FBXO42: variants seen among roughly 807,000 people sequenced by gnomAD.
FBXO42 encodes the protein F-box only protein 42.
A neutral mutation model predicts 71.7 loss-of-function variants in FBXO42; 12 were observed. The ratio of observed to expected loss-of-function variants is 0.17; its 90% confidence interval spans 0.11 to 0.27. The LOEUF is 0.27. Ranked by LOEUF, FBXO42 falls within the 10% of genes least tolerant of loss-of-function variation. FBXO42 has a pLI of 1.00. For synonymous variants in FBXO42, 325 were observed against 327.5 expected, an observed-to-expected ratio of 0.99 and a Z score of 0.08; for missense variants, 707 against 911.9, an observed-to-expected ratio of 0.78 and a Z score of 2.89.
intron 5 of FBXO42, 99 bp downstream of exon 5, chr1:16,256,507 C>T (rs1236558400): frequency 1.6e-6 from 2 of 1,270,894 alleles, no homozygotes; most frequent in Non-Finnish European, 2.2e-6. Flanking sequence ...CACAGCTTTC[C>T]ATCTAATTCT....
intron 4 of FBXO42, among the ~76,000 whole-genome samples, chr1:16,284,882 C>A (rs963015407): frequency 2.0e-5 from 3 of 151,574 alleles, no homozygotes; most frequent in African/African-American, 7.3e-5. Flanking sequence ...GCGGGAGAAT[C>A]GCTTGAACCC....
chr1:16,339,610 C>A (rs959330315), intron 1 of FBXO42, among the ~76,000 whole-genome samples: 1 of 152,186 alleles, frequency 6.6e-6, no homozygotes, highest in Non-Finnish European at 1.5e-5. Flanking sequence ...CACACCCAGC[C>A]ATAGTTATGT....
chr1:16,347,737 C>G (rs1370777686), intron 1 of FBXO42, among the ~76,000 whole-genome samples: 1 of 152,082 alleles, frequency 6.6e-6, no homozygotes, highest in Non-Finnish European at 1.5e-5. Flanking sequence ...CGCCTGTAAT[C>G]CCCACACTTT....
chr1:16,282,813 T>G (rs1484367016), intron 4 of FBXO42, among the ~76,000 whole-genome samples: 1 of 151,906 alleles, frequency 6.6e-6, no homozygotes, highest in Non-Finnish European at 1.5e-5. Context: ...AAACCCCGTC[T>G]CTACTAAAAA....
At chr1:16,265,514 T>C (rs186148041) in intron 4 of FBXO42, among the ~76,000 whole-genome samples, 4 of 152,312 alleles carry the variant, frequency 2.6e-5, no homozygotes, top group Admixed American at 2.0e-4. Flanking sequence ...ACAAATTTTA[T>C]ATTTATTATC....
At chr1:16,261,584 C>A (rs2100449186) in intron 4 of FBXO42, among the ~76,000 whole-genome samples, 1 of 152,230 alleles carries the variant, frequency 6.6e-6, no homozygotes, top group East Asian at 1.9e-4. Flanking sequence ...ACCCCCACCT[C>A]AATTTGTGGG....
At chr1:16,277,681 G>A (rs941692565) in intron 4 of FBXO42, among the ~76,000 whole-genome samples, 3 of 145,074 alleles carry the variant, frequency 2.1e-5, no homozygotes, top group Admixed American at 7.1e-5. Context: ...GCCGAAATTC[G>A]CCACTGCACT....
intron 4 of FBXO42, among the ~76,000 whole-genome samples, chr1:16,261,184 A>T (rs1055406933): frequency 6.6e-6 from 1 of 152,186 alleles, no homozygotes; most frequent in African/African-American, 2.4e-5. Context: ...GAGAGAAGTA[A>T]ATTAAACAGA....
In FBXO42 at chr1:16,251,262, C is replaced by T. The variant is rs1406028809; in HGVS notation, c.1562G>A (p.Arg521Lys). The part of the protein sequence containing the change: ...SSNPMDGMDN[R>K]TVGGSMRHPP... ...GTGTCTCATACTTCCCCCAACTGTC[C>T]TATTGTCCATGCCATCCATGGGATT... is the stretch of plus-strand genomic sequence containing the variant. The change falls in exon 10 of 10, where the codon AGG becomes AAG. Residue 521 changes from arginine (R) to lysine (K), a missense_variant. By Grantham distance (26) the Arg-to-Lys change is conservative (BLOSUM62 2). This residue lies in a region of FBXO42 where 482 missense variants were observed against 587.1 expected (regional missense o/e 0.82). Transcript: ENST00000375592. This position sits in a 1 kb window ranked among gnomAD's most constrained non-coding sequence, Gnocchi z 4.5. 9.3e-6 allele frequency: 15 copies of T among 1,614,100 alleles called. No homozygotes were observed. The highest frequency in any genetic ancestry group is 1.3e-5 in the Non-Finnish European group (15 of 1,180,042).
At chr1:16,280,419 T>C (rs2081950811) in intron 4 of FBXO42, among the ~76,000 whole-genome samples, 1 of 152,164 alleles carries the variant, frequency 6.6e-6, no homozygotes, top group Non-Finnish European at 1.5e-5. Flanking sequence ...AAGGATGTTA[T>C]GTTAAAGAAA....
At position 16,252,377 on chromosome 1, in the gene FBXO42, T is replaced by C. The variant is rs773667927; in HGVS notation, c.949A>G (p.Met317Val). 15 of 1,614,036 alleles carry C rather than the reference T, an allele frequency of 9.3e-6. No homozygotes were observed. In the East Asian group the frequency reaches 1.3e-4, roughly 14 times the overall value. Residue 317 changes from methionine to valine, a missense_variant, in exon 9 of 10, where the codon ATG (methionine) becomes GTG (valine). Physicochemically the swap from Met to Val is conservative, Grantham distance 21 (BLOSUM62 1). Coordinates refer to ENST00000375592, the MANE Select transcript of FBXO42 (RefSeq NM_018994.3). The surrounding 1 kb of genome is among the most constrained non-coding windows in gnomAD (Gnocchi z 4.4). ...TGCCAGGCCCAAGGACCAGAATGCA[T>C]GTGCAACAACCAAGCATCCTTGAAT... ...ALFKDAWLLH[M>V]HSGPWAWQPL...
chr1:16,273,715 A>G (rs1295373502), intron 4 of FBXO42, among the ~76,000 whole-genome samples: 1 of 152,088 alleles, frequency 6.6e-6, no homozygotes, highest in African/African-American at 2.4e-5. Flanking sequence ...CCCTGTCTCA[A>G]CAAAAATACA....
chr1:16,259,338 CAGTT>C (rs1258115977), intron 4 of FBXO42, among the ~76,000 whole-genome samples: 4 of 152,198 alleles, frequency 2.6e-5, no homozygotes, highest in Admixed American at 6.5e-5. Flanking sequence ...TACTATGAAA[CAGTT>C]AGAAAAAAGA....
intron 4 of FBXO42, among the ~76,000 whole-genome samples, chr1:16,270,749 G>GAT (rs1553150245): frequency 4.2e-5 from 4 of 94,586 alleles, no homozygotes; most frequent in East Asian, 6.6e-4. Flanking sequence ...CTTACCATGA[G>GAT]ATACACACAC....
intron 1 of FBXO42, among the ~76,000 whole-genome samples, chr1:16,341,943 C>T (rs1333302205): frequency 6.9e-6 from 1 of 145,516 alleles, no homozygotes; most frequent in African/African-American, 2.5e-5. Context: ...TGTACTCAAG[C>T]CTGGGCAACA....
chr1:16,335,884 A>C (rs2082547922), intron 1 of FBXO42, among the ~76,000 whole-genome samples: 1 of 151,738 alleles, frequency 6.6e-6, no homozygotes, highest in South Asian at 2.1e-4. Flanking sequence ...AAAAAAAAAA[A>C]ACCTTTTGAC....
intron 4 of FBXO42, among the ~76,000 whole-genome samples, chr1:16,281,661 TTTC>T (rs2081965502): frequency 3.3e-5 from 5 of 150,174 alleles, no homozygotes; most frequent in African/African-American, 9.8e-5. Context: ...TTTCTTTTTC[TTTC>T]TTTTTTTTTT....
chr1:16,297,447 G>T (rs2082141537), intron 3 of FBXO42, among the ~76,000 whole-genome samples: 1 of 152,174 alleles, frequency 6.6e-6, no homozygotes, highest in African/African-American at 2.4e-5. Context: ...TAATGGAGCT[G>T]CAGGCTTTTA....
rs2081647924 is a variant in FBXO42, at chr1:16,256,581, TA to T, written c.656+24del. On this transcript the variant is annotated intron_variant, in intron 5 of 9. Transcript: ENST00000375592. Reference sequence around the variant, plus strand: ...GATTTAAGGCCTTTTCTTCCAGATTTAAAGAGTTTATCTTTGTGACTTACCA... The same window carrying T: ...GATTTAAGGCCTTTTCTTCCAGATTTAAGAGTTTATCTTTGTGACTTACCA... 2.5e-6 allele frequency: 4 copies of T among 1,609,336 alleles called. No homozygotes were observed. The East Asian group carries it at 8.9e-5, about 36-fold the overall frequency.
Sources: gnomAD v4.1 joint callset for allele counts (sites outside exome capture counted in the v4.1 genomes callset) on GRCh38, gnomAD v4.1.1 for gene constraint, gnomAD v4.1.1 regional missense constraint, Gnocchi (gnomAD v3.1) non-coding constraint, MANE v1.5 for transcripts, NCBI Gene and HGNC (gene_info 2026-07-23, HGNC 2026-07-21) for gene names.